The following MGAT5 variants were observed in gnomAD, a reference collection of about 807,000 sequenced individuals.
MGAT5 encodes the protein alpha-1,6-mannosylglycoprotein 6-beta-N-acetylglucosaminyltransferase A.
Under a neutral mutation model 94.3 loss-of-function variants are expected in MGAT5, and 30 were observed. The ratio of observed to expected loss-of-function variants is 0.32; its 90% CI spans 0.24 to 0.43. The LOEUF (loss-of-function observed/expected upper bound fraction) is 0.43. Among genes scored for constraint, MGAT5 ranks in the 20% least tolerant of loss-of-function variants. MGAT5 has a pLI of 1.00. For missense variants in MGAT5, 691 were observed against 905.5 expected (o/e 0.76, Z 3.04); for synonymous variants, 310 against 322.9 (o/e 0.96, Z 0.43).
chr2:134,177,345 T>C (rs1265968362), intron 1 of MGAT5, among the ~76,000 whole-genome samples: 1 of 152,140 alleles, frequency 6.6e-6, no homozygotes, highest in East Asian at 1.9e-4. Flanking sequence ...GCTGTAACTG[T>C]CATTCCAGCC....
intron 1 of MGAT5, among the ~76,000 whole-genome samples, chr2:134,120,986 C>T (rs1266929054): frequency 2.0e-5 from 3 of 151,940 alleles, no homozygotes; most frequent in Admixed American, 2.0e-4. Flanking sequence ...AGCCCACACC[C>T]GCGCACACAC....
intron 10 of MGAT5, among the ~76,000 whole-genome samples, chr2:134,369,839 A>G (rs930294561): frequency 2.0e-5 from 3 of 151,934 alleles, no homozygotes; most frequent in African/African-American, 7.3e-5. Context: ...TGACAACTGG[A>G]TAAGATCAAT....
chr2:134,318,050 A>G (rs3791281), intron 3 of MGAT5, among the ~76,000 whole-genome samples: 24,350 of 152,120 alleles, frequency 0.16, 2,526 homozygotes, highest in African/African-American at 0.28. Context: ...ACTGAGAGAC[A>G]CTTGGCTGCT....
rs545581329 is a variant in MGAT5, at chr2:134,362,467, T to A, written c.1380+59T>A. 19 of 1,583,582 alleles carry A rather than the reference T, an allele frequency of 1.2e-5. No individual in the cohort carries two copies. The African/African-American group carries it at 2.2e-4, about 18-fold the overall frequency. ...AAGAAGCTTGTTGGGTAATTTAATT[T>A]AACTTTGATCCAGGGAATAATCAAG... On this transcript the variant is annotated intron_variant, in intron 10 of 15. Coordinates refer to ENST00000281923, the MANE Select transcript of MGAT5 (RefSeq NM_002410.5).
intron 4 of MGAT5, among the ~76,000 whole-genome samples, chr2:134,321,632 G>A (rs748563952): frequency 6.6e-6 from 1 of 152,126 alleles, no homozygotes; most frequent in South Asian, 2.1e-4. Flanking sequence ...GAGCAACTAC[G>A]TTTTCTCTTC....
intron 1 of MGAT5, among the ~76,000 whole-genome samples, chr2:134,246,896 G>A (rs1259019010): frequency 6.6e-6 from 1 of 152,122 alleles, no homozygotes; most frequent in African/African-American, 2.4e-5. Context: ...TCTGTAAAAA[G>A]GTATTTTATA....
At chr2:134,122,922 T>C (rs1277600484) in intron 1 of MGAT5, among the ~76,000 whole-genome samples, 1 of 152,254 alleles carries the variant, frequency 6.6e-6, no homozygotes, top group Admixed American at 6.5e-5. Flanking sequence ...TCATGGGCTT[T>C]TGGATCTCCT....
At position 134,344,956 on chromosome 2, in the gene MGAT5, G is replaced by A. The variant is rs145359732; in HGVS notation, c.1004G>A (p.Arg335Gln). The change falls in exon 8 of 16, where the codon CGA becomes CAA. Residue 335 changes from arginine to glutamine, a missense_variant. Physicochemically the swap from Arg to Gln is conservative, Grantham distance 43. Coordinates refer to ENST00000281923, the MANE Select transcript of MGAT5 (RefSeq NM_002410.5). The stretch of plus-strand genomic sequence containing the variant: ...ATCATGAAGAAGGTTGTAGGAAACC[G>A]ATCTGGCTGCCCAACTGTAGGAGAC... The part of the protein sequence containing the change: ...KEIMKKVVGN[R>Q]SGCPTVGDRI... 9 of 1,613,420 alleles carry A rather than the reference G, an allele frequency of 5.6e-6. No homozygotes were observed. Among genetic ancestry groups the A allele is most frequent in the East Asian group, 2.2e-5 (1 of 44,842 alleles).
intron 4 of MGAT5, among the ~76,000 whole-genome samples, chr2:134,331,308 G>A (rs975863978): frequency 6.6e-6 from 1 of 152,142 alleles, no homozygotes; most frequent in African/African-American, 2.4e-5. Flanking sequence ...GTGCATTGAT[G>A]TTCTAAAGTT....
intron 13 of MGAT5, among the ~76,000 whole-genome samples, chr2:134,424,273 G>T (rs1684458114): frequency 6.6e-6 from 1 of 152,170 alleles, no homozygotes; most frequent in African/African-American, 2.4e-5. Flanking sequence ...AACAGAACAG[G>T]ATAATCAGTT....
Position 134,161,788 on chromosome 2 carries a change from A to G in MGAT5, c.-143+41497A>G, listed in dbSNP as rs1024031220. 4.7e-4 allele frequency among the ~76,000 whole-genome samples: 72 copies of G among 152,126 alleles called. 1 individual carries two copies. Among genetic ancestry groups the G allele is most frequent in the African/African-American group, 1.7e-3 (69 of 41,484 alleles). The stretch of plus-strand genomic sequence containing the variant: ...GTTTCATAGATTTATTTTTTTTTAA[A>G]TGAGTAATAGTACCAGTGTATTTTT... On this transcript the variant is annotated intron_variant, in intron 1 of 16. Coordinates refer to the MGAT5 transcript ENST00000409645.
chr2:134,282,892 G>C (rs894699773), intron 2 of MGAT5, among the ~76,000 whole-genome samples: 5 of 151,884 alleles, frequency 3.3e-5, no homozygotes, highest in Admixed American at 6.6e-5. Flanking sequence ...GGATCAGTCT[G>C]TACAACAGCC....
chr2:134,123,236 GGAAGTAT>G (rs1685697813), intron 1 of MGAT5, among the ~76,000 whole-genome samples: 1 of 152,166 alleles, frequency 6.6e-6, no homozygotes, highest in African/African-American at 2.4e-5. Flanking sequence ...GGAGGCCTTT[GGAAGTAT>G]GAGTTCCCAG....
At chr2:134,185,849 G>T (rs571113961) in intron 1 of MGAT5, among the ~76,000 whole-genome samples, 1 of 152,326 alleles carries the variant, frequency 6.6e-6, no homozygotes, top group Admixed American at 6.5e-5. Context: ...ATTCTTTGGA[G>T]ATGCAGAGGC....
intron 1 of MGAT5, among the ~76,000 whole-genome samples, chr2:134,198,869 A>G (rs1679628412): frequency 1.3e-5 from 2 of 152,194 alleles, no homozygotes; most frequent in Admixed American, 6.5e-5. Flanking sequence ...TAACTTGTAA[A>G]TATTAGGTAT....
In MGAT5 at chr2:134,413,082, G is replaced by T. The variant is rs564498673; in HGVS notation, c.1677+67G>T. 690 of 1,559,444 alleles carry T rather than the reference G, an allele frequency of 4.4e-4. 13 individuals carry two copies. The East Asian group carries it at 0.016, about 36-fold the overall frequency. On this transcript the variant is annotated intron_variant, in intron 12 of 15. Coordinates refer to ENST00000281923, the MANE Select transcript of MGAT5 (RefSeq NM_002410.5). Reference sequence around the variant, plus strand: ...TAATAGCTATTTATTGAGTGCTCATGTAGGTATTAACTTCATCTAACATGA... The same window carrying T: ...TAATAGCTATTTATTGAGTGCTCATTTAGGTATTAACTTCATCTAACATGA...
intron 2 of MGAT5, among the ~76,000 whole-genome samples, chr2:134,315,580 T>G (rs1326718643): frequency 6.6e-6 from 1 of 152,250 alleles, no homozygotes; most frequent in Non-Finnish European, 1.5e-5. Flanking sequence ...TTTGAAATGC[T>G]GCTTTCCCAG....
intron 1 of MGAT5, among the ~76,000 whole-genome samples, chr2:134,176,019 C>T (rs1688446609): frequency 6.6e-6 from 1 of 152,160 alleles, no homozygotes; most frequent in African/African-American, 2.4e-5. Context: ...ATCCATTTAA[C>T]TGTTTGTTTT....
At chr2:134,369,314 A>G (rs1182502880) in intron 10 of MGAT5, among the ~76,000 whole-genome samples, 1 of 152,096 alleles carries the variant, frequency 6.6e-6, no homozygotes, top group African/African-American at 2.4e-5. Context: ...TACACATGCA[A>G]ATTCTACAGA....
Sources: allele counts gnomAD v4.1 joint callset (sites outside exome capture counted in the v4.1 genomes callset), GRCh38; gene constraint gnomAD v4.1.1; transcripts MANE v1.5; gene names NCBI Gene and HGNC (gene_info 2026-07-23, HGNC 2026-07-21).